RARB: variants seen among roughly 807,000 people sequenced by gnomAD.
The protein encoded by RARB is HBV-activated protein.
Under a neutral mutation model 51.9 loss-of-function variants are expected in RARB, and 17 were observed. The observed-to-expected ratio is 0.33, with a 90% CI of 0.22 to 0.49. The LOEUF is 0.49. RARB is among the 20% of genes least tolerant of loss of function. The pLI is 0.99. For synonymous variants in RARB, 215 were observed against 195.4 expected, an observed-to-expected ratio of 1.10 and a Z score of -0.84; for missense variants, 369 against 550.8, an observed-to-expected ratio of 0.67 and a Z score of 3.30.
At chr3:25,285,891 T>A (rs914785540) in intron 5 of RARB, among the ~76,000 whole-genome samples, 2 of 151,866 alleles carry the variant, frequency 1.3e-5, no homozygotes, top group Admixed American at 6.6e-5. Context: ...TAACCACCAA[T>A]ATACACATAC....
chr3:25,407,388 A>G lies in RARB; in HGVS notation c.179-53805A>G, dbSNP rs140263003. Among the ~76,000 whole-genome samples the G allele has an allele frequency of 2.3e-3, 347 of 152,338 alleles. 1 individual carries two copies. The highest frequency in any genetic ancestry group is 4.1e-3 in the Non-Finnish European group (279 of 68,032). On this transcript the variant is annotated intron_variant, in intron 5 of 11. Coordinates refer to the RARB transcript ENST00000383772. ...AGTTTCATCATCATATTTAAGAATA[A>G]TAATCCTTACCTTGAATGATGCTAG...
At chr3:25,353,584 A>ATTT (rs3035062) in intron 5 of RARB, among the ~76,000 whole-genome samples, 8 of 144,906 alleles carry the variant, frequency 5.5e-5, no homozygotes, top group Non-Finnish European at 7.6e-5. Flanking sequence ...TGCTGCTGAG[A>ATTT]TTTTTTTTTT....
At chr3:25,172,978 C>T (rs1035522322) in intron 4 of RARB, among the ~76,000 whole-genome samples, 13 of 152,194 alleles carry the variant, frequency 8.5e-5, no homozygotes, top group Non-Finnish European at 1.5e-4. Flanking sequence ...TCTAGAATCA[C>T]GCTCTTAACA....
chr3:25,382,225 G>A (rs1706649367), intron 5 of RARB, among the ~76,000 whole-genome samples: 1 of 152,192 alleles, frequency 6.6e-6, no homozygotes, highest in Admixed American at 6.5e-5. Context: ...TGATCCAAAT[G>A]TAGATTTAAA....
chr3:25,402,384 A>T (rs1264797746), intron 5 of RARB, among the ~76,000 whole-genome samples: 1 of 152,194 alleles, frequency 6.6e-6, no homozygotes, highest in Non-Finnish European at 1.5e-5. Flanking sequence ...TACTAGGGAG[A>T]ACAGTTTGGA....
At chr3:25,271,758 T>G (rs1472392489) in intron 5 of RARB, among the ~76,000 whole-genome samples, 3 of 152,196 alleles carry the variant, frequency 2.0e-5, no homozygotes, top group African/African-American at 7.2e-5. Context: ...ACTAAAGCAC[T>G]TTAAAAAAAT....
At chr3:24,934,819 A>G (rs1327989892) in intron 2 of RARB, among the ~76,000 whole-genome samples, 1 of 152,108 alleles carries the variant, frequency 6.6e-6, no homozygotes, top group Admixed American at 6.6e-5. Flanking sequence ...AGCTATTATA[A>G]AGCATAAAAT....
intron 3 of RARB, among the ~76,000 whole-genome samples, chr3:25,117,548 A>G (rs1699708520): frequency 6.6e-6 from 1 of 152,176 alleles, no homozygotes; most frequent in South Asian, 2.1e-4. Flanking sequence ...TTCAAGCATG[A>G]CTGACAATCA....
intron 5 of RARB, among the ~76,000 whole-genome samples, chr3:25,218,237 G>A (rs146672461): frequency 2.6e-5 from 4 of 152,232 alleles, no homozygotes; most frequent in South Asian, 2.1e-4. Flanking sequence ...CTTCTAGGGA[G>A]GATGGTTTTT....
intron 3 of RARB, among the ~76,000 whole-genome samples, chr3:25,544,612 T>C (rs1699535205): frequency 1.3e-5 from 2 of 152,330 alleles, no homozygotes; most frequent in South Asian, 4.1e-4. Flanking sequence ...ATTGTAGAAC[T>C]GCTCATCTGG....
At chr3:25,103,757 G>C (rs1054031498) in intron 3 of RARB, among the ~76,000 whole-genome samples, 6 of 152,322 alleles carry the variant, frequency 3.9e-5, no homozygotes, top group Middle Eastern at 3.4e-3. Flanking sequence ...ACTTTAAACA[G>C]TATTATGAAT....
chr3:24,968,397 A>G (rs1285122497), intron 2 of RARB, among the ~76,000 whole-genome samples: 1 of 152,126 alleles, frequency 6.6e-6, no homozygotes. Context: ...TTTTGGGGTT[A>G]GAGAATCAGT....
At chr3:25,345,887 T>C (rs896426608) in intron 5 of RARB, 2 of 911,966 alleles carry the variant, frequency 2.2e-6, no homozygotes, top group African/African-American at 3.6e-5. Context: ...TAAATATGTA[T>C]AATTATCACA....
intron 5 of RARB, among the ~76,000 whole-genome samples, chr3:25,289,625 C>T (rs1179901416): frequency 2.6e-5 from 4 of 152,220 alleles, no homozygotes; most frequent in Non-Finnish European, 4.4e-5. Context: ...TGAAGGATTG[C>T]ACTTTTCCTT....
intron 2 of RARB, among the ~76,000 whole-genome samples, chr3:25,042,947 C>G (rs1054901006): frequency 6.6e-6 from 1 of 152,182 alleles, no homozygotes; most frequent in African/African-American, 2.4e-5. Flanking sequence ...TGGCTCTGTA[C>G]AAAGCTTCAG....
At chr3:25,469,856 A>G (rs1237650244) in intron 2 of RARB, among the ~76,000 whole-genome samples, 2 of 152,210 alleles carry the variant, frequency 1.3e-5, no homozygotes, top group Non-Finnish European at 2.9e-5. Flanking sequence ...GGTGTGGTAA[A>G]AGGATTTAAA....
At chr3:24,835,937 C>T (rs1702339807) in intron 1 of RARB, among the ~76,000 whole-genome samples, 1 of 152,170 alleles carries the variant, frequency 6.6e-6, no homozygotes, top group Non-Finnish European at 1.5e-5. Flanking sequence ...ACTGTCTCTT[C>T]AACGTGGTTA....
chr3:25,357,493 T>C (rs1705779546), intron 5 of RARB, among the ~76,000 whole-genome samples: 1 of 152,236 alleles, frequency 6.6e-6, no homozygotes, highest in South Asian at 2.1e-4. Flanking sequence ...TTTCTTTTGC[T>C]GTGCAGAAGC....
chr3:25,165,668 C>G (rs936241975), intron 4 of RARB, among the ~76,000 whole-genome samples: 1 of 152,088 alleles, frequency 6.6e-6, no homozygotes, highest in Non-Finnish European at 1.5e-5. Flanking sequence ...ACCTTTAGTC[C>G]AATACATTTA....
Sources: allele counts gnomAD v4.1 joint callset (sites outside exome capture counted in the v4.1 genomes callset), GRCh38; gene constraint gnomAD v4.1.1; transcripts MANE v1.5; gene names NCBI Gene and HGNC (gene_info 2026-07-23, HGNC 2026-07-21).